CHRM5: variants seen among roughly 807,000 people sequenced by gnomAD.
CHRM5 encodes the protein cholinergic receptor muscarinic 5, also known as muscarinic acetylcholine receptor M5.
Under a neutral mutation model 39.0 loss-of-function variants are expected in CHRM5, and 18 were observed. The ratio of observed to expected loss-of-function variants is 0.46; its 90% CI spans 0.32 to 0.68. The LOEUF is 0.68. CHRM5 is among the 30% of genes least tolerant of loss of function. The probability of loss-of-function intolerance (pLI) is 0.04; values close to 1 mark genes in which losing one functional copy is unlikely to be tolerated. For synonymous variants in CHRM5, 241 were observed against 246.3 expected, an observed-to-expected ratio of 0.98 and a Z score of 0.20; for missense variants, 515 against 651.1, an observed-to-expected ratio of 0.79 and a Z score of 2.28.
At chr15:33,982,687 T>C (rs1413263827) in intron 1 of CHRM5, among the ~76,000 whole-genome samples, 4 of 152,242 alleles carry the variant, frequency 2.6e-5, no homozygotes, top group Non-Finnish European at 5.9e-5. Context: ...GTTTAGGTTA[T>C]GGCATTTCCA....
chr15:34,015,846 A>C (rs1174735334), intron 1 of CHRM5, among the ~76,000 whole-genome samples: 2 of 152,254 alleles, frequency 1.3e-5, no homozygotes, highest in Non-Finnish European at 2.9e-5. Context: ...TAAAAATGAG[A>C]GGCATGAAAG....
rs531758308 is a variant in CHRM5, at chr15:34,066,137, C to T, written c.*1821C>T. ...TCTTGTAAGCAGTGCATCTGCTGAG[C>T]CTTTGTAAAGGGCAGGTTGACACCT... On this transcript the variant is annotated 3_prime_UTR_variant, in exon 3 of 3. Coordinates refer to ENST00000383263, the MANE Select transcript of CHRM5 (RefSeq NM_012125.4). 1.3e-5 allele frequency: 2 copies of T among 152,234 alleles called. No individual in the cohort carries two copies. The highest frequency in any genetic ancestry group is 2.1e-4 in the South Asian group (1 of 4,836). 9.4% of individuals were successfully genotyped at this position (152,234 alleles called of 1,614,324 possible). A position where few individuals can be genotyped will look rare whatever the true frequency, so the allele number is the denominator to read the frequency against.
At chr15:33,969,693 G>A (rs1044600593) in intron 1 of CHRM5, among the ~76,000 whole-genome samples, 6 of 152,026 alleles carry the variant, frequency 3.9e-5, no homozygotes, top group Admixed American at 3.3e-4. Flanking sequence ...ACTCTTGTAG[G>A]ATAGGGCTAA....
chr15:34,064,349 C>T lies in CHRM5; in HGVS notation c.*33C>T, dbSNP rs372993529. ...ACAACTCCTCTCGAAAGAACAATGA[C>T]CACAGTCAACATCCTCTGAGGATGA... is the stretch of plus-strand genomic sequence containing the variant. On this transcript the variant is annotated 3_prime_UTR_variant, in exon 3 of 3. Transcript: ENST00000383263. 1.3e-6 allele frequency: 2 copies of T among 1,578,198 alleles called. No individual in the cohort carries two copies. Among genetic ancestry groups the T allele is most frequent in the South Asian group, 1.2e-5 (1 of 84,340 alleles).
At chr15:33,982,278 C>T (rs1462565679) in intron 1 of CHRM5, among the ~76,000 whole-genome samples, 1 of 152,020 alleles carries the variant, frequency 6.6e-6, no homozygotes, top group African/African-American at 2.4e-5. Context: ...CAGAGGTTGG[C>T]CCTAATGCAT....
intron 1 of CHRM5, among the ~76,000 whole-genome samples, chr15:34,025,436 C>G (rs1233375645): frequency 6.6e-6 from 1 of 152,134 alleles, no homozygotes; most frequent in Non-Finnish European, 1.5e-5. Context: ...GAGAAGTAGA[C>G]TAGAGTGGTT....
At chr15:34,015,030 C>A (rs1386133404) in intron 1 of CHRM5, among the ~76,000 whole-genome samples, 1 of 152,096 alleles carries the variant, frequency 6.6e-6, no homozygotes, top group African/African-American at 2.4e-5. Flanking sequence ...ACTCTAGAGT[C>A]CTGAAGCCTG....
intron 1 of CHRM5, among the ~76,000 whole-genome samples, chr15:34,002,456 C>A (rs602807): frequency 0.5 from 76,639 of 151,848 alleles, 21,756 homozygotes; most frequent in Non-Finnish European, 0.63. Context: ...CCTGTTACTG[C>A]TCTCCAGCAT....
intron 1 of CHRM5, among the ~76,000 whole-genome samples, chr15:33,978,140 T>C (rs1364617419): frequency 6.6e-6 from 1 of 152,020 alleles, no homozygotes; most frequent in Non-Finnish European, 1.5e-5. Context: ...CCAGAAAACC[T>C]TAGCGATCCA....
At chr15:34,036,812 A>G (rs1899148288) in intron 1 of CHRM5, among the ~76,000 whole-genome samples, 1 of 152,066 alleles carries the variant, frequency 6.6e-6, no homozygotes, top group Non-Finnish European at 1.5e-5. Flanking sequence ...TTTTAATGAT[A>G]TACCATCATG....
chr15:34,042,358 T>G (rs906740307), intron 1 of CHRM5, among the ~76,000 whole-genome samples: 14 of 151,936 alleles, frequency 9.2e-5, no homozygotes, highest in Non-Finnish European at 1.9e-4. Flanking sequence ...GAAACGAAAC[T>G]GTACTTTTTG....
At chr15:34,013,349 A>G (rs1454453224) in intron 1 of CHRM5, among the ~76,000 whole-genome samples, 1 of 152,250 alleles carries the variant, frequency 6.6e-6, no homozygotes, top group Non-Finnish European at 1.5e-5. Flanking sequence ...AGTGTGAGCC[A>G]CTGGGCCTGG....
chr15:34,038,835 G>T, intron 1 of CHRM5: 1 of 1,188,946 alleles, frequency 8.4e-7, no homozygotes, highest in Non-Finnish European at 1.0e-6. Context: ...GCCTCGCGGG[G>T]CGCCTCCTCC....
intron 1 of CHRM5, among the ~76,000 whole-genome samples, chr15:33,980,947 A>T (rs768845229): frequency 6.6e-6 from 1 of 152,228 alleles, no homozygotes; most frequent in Non-Finnish European, 1.5e-5. Context: ...AAAAAGATTA[A>T]CATAGGATTC....
chr15:34,036,377 A>G (rs1421986396), intron 1 of CHRM5, among the ~76,000 whole-genome samples: 1 of 152,192 alleles, frequency 6.6e-6, no homozygotes, highest in Non-Finnish European at 1.5e-5. Flanking sequence ...GGTGTACACA[A>G]AATTGGTTTC....
intron 2 of CHRM5, among the ~76,000 whole-genome samples, chr15:34,058,718 T>C (rs1219039150): frequency 6.6e-6 from 1 of 152,184 alleles, no homozygotes; most frequent in Admixed American, 6.5e-5. Context: ...AGCCAAATTC[T>C]TCTGGTCAGC....
At chr15:34,059,392 T>A (rs1251444056) in intron 2 of CHRM5, among the ~76,000 whole-genome samples, 2 of 152,144 alleles carry the variant, frequency 1.3e-5, no homozygotes, top group East Asian at 1.9e-4. Flanking sequence ...TTAGAAAAAA[T>A]TCAGCAAGCG....
At chr15:33,995,844 A>G (rs1317657589) in intron 1 of CHRM5, among the ~76,000 whole-genome samples, 2 of 152,206 alleles carry the variant, frequency 1.3e-5, no homozygotes, top group Admixed American at 1.3e-4. Context: ...CAGTGGGTGC[A>G]GGCCACGGAG....
chr15:34,006,469 A>G (rs1897349888), intron 1 of CHRM5, among the ~76,000 whole-genome samples: 1 of 152,250 alleles, frequency 6.6e-6, no homozygotes, highest in African/African-American at 2.4e-5. Flanking sequence ...TATAAAACCT[A>G]TAAAACCTCT....
Sources: gnomAD v4.1 joint callset for allele counts (sites outside exome capture counted in the v4.1 genomes callset) on GRCh38, gnomAD v4.1.1 for gene constraint, MANE v1.5 for transcripts, NCBI Gene and HGNC (gene_info 2026-07-23, HGNC 2026-07-21) for gene names.